The following SLC12A2 variants were observed in gnomAD, a reference collection of about 807,000 sequenced individuals.
SLC12A2 encodes the protein Na-K-2Cl cotransporter 1.
A neutral mutation model predicts 136.3 loss-of-function variants in SLC12A2; 67 were observed. The observed-to-expected ratio is 0.49, with a 90% confidence interval of 0.40 to 0.60. The LOEUF (loss-of-function observed/expected upper bound fraction) is 0.60, where lower values mean the gene tolerates loss of function less well. SLC12A2 is among the 20% of genes least tolerant of loss of function. The pLI, the probability that SLC12A2 is intolerant of heterozygous loss-of-function variation, is 0.00. For synonymous variants in SLC12A2, 619 were observed against 562.9 expected, an observed-to-expected ratio of 1.10 and a Z score of -1.41; for missense variants, 1,322 against 1,534.7, an observed-to-expected ratio of 0.86 and a Z score of 2.32.
At chr5:128,099,923 T>C (rs977150101) in intron 1 of SLC12A2, among the ~76,000 whole-genome samples, 1 of 152,204 alleles carries the variant, frequency 6.6e-6, no homozygotes, top group African/African-American at 2.4e-5. Flanking sequence ...TTTACAGTTA[T>C]TATTTTTTTT....
At chr5:128,132,938 AAT>A (rs908933249) in intron 5 of SLC12A2, among the ~76,000 whole-genome samples, 2 of 152,162 alleles carry the variant, frequency 1.3e-5, no homozygotes, top group African/African-American at 4.8e-5. Context: ...AACTTAGAGA[AAT>A]ATGAAATTTC....
intron 17 of SLC12A2, among the ~76,000 whole-genome samples, chr5:128,164,822 C>G (rs1763149822): frequency 6.7e-6 from 1 of 149,690 alleles, no homozygotes; most frequent in Admixed American, 6.7e-5. Flanking sequence ...AATTAAGTAT[C>G]TAGCTTCCAC....
chr5:128,084,058 C>G lies in SLC12A2; in HGVS notation c.104C>G (p.Pro35Arg), dbSNP rs1759935499. ...AALAAARVEL[P>R]GTAVPSVPED... ...CTGGCCGCAGCCAGGGTGGAACTGC[C>G]CGGCACGGCTGTGCCCTCGGTGCCG... Residue 35 changes from proline to arginine, a missense_variant, in exon 1 of 27, where the codon CCC (proline) becomes CGC (arginine). By Grantham distance (103) the Pro-to-Arg change is moderately radical (BLOSUM62 -2). This residue lies in a region of SLC12A2 where 358 missense variants were observed against 299.7 expected (regional missense o/e 1.19). Coordinates refer to ENST00000262461, the MANE Select transcript of SLC12A2 (RefSeq NM_001046.3). The surrounding 1 kb of genome is among the most constrained non-coding windows in gnomAD (Gnocchi z 5.6). 3 of 1,303,736 alleles carry G rather than the reference C, an allele frequency of 2.3e-6. No individual in the cohort carries two copies. Among genetic ancestry groups the G allele is most frequent in the Non-Finnish European group, 2.9e-6 (3 of 1,029,786 alleles). The allele number at this position is 1,303,736 out of a possible 1,614,324, so 80.8% of individuals were successfully genotyped here.
chr5:128,083,830 G>A lies in SLC12A2; in HGVS notation c.-125G>A, dbSNP rs1221816539. 4 of 735,780 alleles carry A rather than the reference G, an allele frequency of 5.4e-6. No individual in the cohort carries two copies. Among genetic ancestry groups the A allele is most frequent in the Middle Eastern group, 4.7e-4 (1 of 2,140 alleles). 45.6% of individuals were successfully genotyped at this position (735,780 alleles called of 1,614,324 possible). ...CCGTCCAGGCTAGCGGCGGCCCGCA[G>A]GCGGCGGGGAGAAAGACTCTCTCAC... On this transcript the variant is annotated 5_prime_UTR_variant, in exon 1 of 27. Transcript: ENST00000262461.
intron 1 of SLC12A2, among the ~76,000 whole-genome samples, chr5:128,090,402 AATG>A (rs569941072): frequency 5.3e-4 from 81 of 152,326 alleles, no homozygotes; most frequent in African/African-American, 1.9e-3. Context: ...GTTTGCTTTC[AATG>A]ATATTTCATT....
chr5:128,084,680 C>T lies in SLC12A2; in HGVS notation c.726C>T (p.Ser242=), dbSNP rs777346352. The change falls in exon 1 of 27, where the codon AGC becomes AGT. Residue 242 remains serine (S), a synonymous_variant. Coordinates refer to ENST00000262461, the MANE Select transcript of SLC12A2 (RefSeq NM_001046.3). This position sits in a 1 kb window ranked among gnomAD's most constrained non-coding sequence, Gnocchi z 5.6. ...AQLGEKLLRP[S]LAELHDELEK... ...TGGGCGAGAAGCTGCTCCGGCCTAG[C>T]CTGGCGGAGCTCCACGACGAGCTGG... 1 of 1,607,492 alleles carries T rather than the reference C, an allele frequency of 6.2e-7. No individual in the cohort carries two copies. The highest frequency in any genetic ancestry group is 8.5e-7 in the Non-Finnish European group (1 of 1,176,486).
chr5:128,138,450 A>G, intron 7 of SLC12A2, 147 bp from the exon 8 acceptor site: 1 of 651,196 alleles, frequency 1.5e-6, no homozygotes, highest in Non-Finnish European at 2.6e-6. Context: ...AGAACACCAA[A>G]TACTTGAACT....
intron 15 of SLC12A2, among the ~76,000 whole-genome samples, chr5:128,153,794 A>T (rs1314587410): frequency 6.6e-6 from 1 of 152,028 alleles, no homozygotes; most frequent in African/African-American, 2.4e-5. Flanking sequence ...GTAATTGTTT[A>T]TTTTTTTGTT....
At chr5:128,167,561 AT>A (rs1763241319) in intron 17 of SLC12A2, among the ~76,000 whole-genome samples, 199 bp from the exon 18 acceptor site, 1 of 152,016 alleles carries the variant, frequency 6.6e-6, no homozygotes, top group South Asian at 2.1e-4. Flanking sequence ...TTTAAATTAT[AT>A]TTTTGTGTAT....
At position 128,088,202 on chromosome 5, in the gene SLC12A2, C is replaced by A. The variant is rs369637425; in HGVS notation, c.756+3492C>A. Among the ~76,000 whole-genome samples the A allele has an allele frequency of 1.2e-4, 18 of 151,876 alleles. No homozygotes were observed. The South Asian group carries it at 3.8e-3, about 32-fold the overall frequency. On this transcript the variant is annotated intron_variant, in intron 1 of 26. Coordinates refer to ENST00000262461, the MANE Select transcript of SLC12A2 (RefSeq NM_001046.3). Reference sequence around the variant, plus strand: ...TAAAGGTCTGTTAGAGATTGAGGAGCCATTAGCAAAGGAAATTAAGGAAGA... The same window carrying A: ...TAAAGGTCTGTTAGAGATTGAGGAGACATTAGCAAAGGAAATTAAGGAAGA...
chr5:128,106,396 A>T (rs1006906757), intron 1 of SLC12A2, among the ~76,000 whole-genome samples: 1 of 152,144 alleles, frequency 6.6e-6, no homozygotes. Flanking sequence ...CAAATACCAT[A>T]CTTGCTAATT....
intron 4 of SLC12A2, among the ~76,000 whole-genome samples, chr5:128,125,925 GCTAT>G (rs1462202217): frequency 3.9e-5 from 6 of 152,080 alleles, no homozygotes; most frequent in African/African-American, 1.2e-4. Flanking sequence ...TTTTGAAACA[GCTAT>G]CTGTTTCTTA....
intron 16 of SLC12A2, among the ~76,000 whole-genome samples, chr5:128,160,124 AAACT>A (rs1259079249): frequency 2.0e-5 from 3 of 152,172 alleles, no homozygotes; most frequent in Non-Finnish European, 4.4e-5. Context: ...CATTCTCAGC[AAACT>A]AACACAAGAA....
rs970964488 is a variant in SLC12A2, at chr5:128,189,094, T to G, written c.*2463T>G. The G allele has an allele frequency of 6.6e-5, 10 of 152,320 alleles. No individual in the cohort carries two copies. The highest frequency in any genetic ancestry group is 1.5e-4 in the Non-Finnish European group (10 of 67,996). 9.4% of individuals were successfully genotyped at this position (152,320 alleles called of 1,614,324 possible). On this transcript the variant is annotated 3_prime_UTR_variant, in exon 27 of 27. Coordinates refer to ENST00000262461, the MANE Select transcript of SLC12A2 (RefSeq NM_001046.3). ...TCTGTGAAATAATGTAAGAAGCTTT[T>G]CACTTAAAAAAAATGCATTACTTTC... is the stretch of plus-strand genomic sequence containing the variant.
chr5:128,085,003 C>T (rs983073215), intron 1 of SLC12A2, among the ~76,000 whole-genome samples: 1 of 150,322 alleles, frequency 6.7e-6, no homozygotes, highest in Non-Finnish European at 1.5e-5. Context: ...GCTCAACAGT[C>T]ACCATCCCTC....
chr5:128,168,085 T>TAC (rs1763257454), intron 18 of SLC12A2: 3 of 375,098 alleles, frequency 8.0e-6, no homozygotes, highest in Admixed American at 4.6e-5. Context: ...TATATATATA[T>TAC]ATACACACAC....
chr5:128,105,122 T>G (rs768064754), intron 1 of SLC12A2, among the ~76,000 whole-genome samples: 31 of 152,346 alleles, frequency 2.0e-4, no homozygotes, highest in Non-Finnish European at 4.1e-4. Flanking sequence ...AAGTCACTGT[T>G]TATAGTATAT....
At chr5:128,144,410 C>G (rs1037477181) in intron 10 of SLC12A2, among the ~76,000 whole-genome samples, 7 of 152,086 alleles carry the variant, frequency 4.6e-5, no homozygotes, top group Non-Finnish European at 8.8e-5. Context: ...GTTGGAGTCT[C>G]CATCATAAGA....
At chr5:128,126,960 A>ATTTTTTTTTTTTT (rs1561673526) in intron 4 of SLC12A2, among the ~76,000 whole-genome samples, 1 of 26,394 alleles carries the variant, frequency 3.8e-5, no homozygotes, top group Non-Finnish European at 6.4e-5. Flanking sequence ...ATATATATAT[A>ATTTTTTTTTTTTT]TATATATTTT....
Sources: gnomAD v4.1 joint callset for allele counts (sites outside exome capture counted in the v4.1 genomes callset) on GRCh38, gnomAD v4.1.1 for gene constraint, gnomAD v4.1.1 regional missense constraint, Gnocchi (gnomAD v3.1) non-coding constraint, MANE v1.5 for transcripts, NCBI Gene and HGNC (gene_info 2026-07-23, HGNC 2026-07-21) for gene names.